Variants in PCDHA1 observed in about 807,000 individuals in gnomAD.
The protein encoded by PCDHA1 is protocadherin alpha-1.
A neutral mutation model predicts 61.3 loss-of-function variants in PCDHA1; 42 were observed. The ratio of observed to expected loss-of-function variants is 0.69; its 90% CI spans 0.54 to 0.89. PCDHA1 has a LOEUF of 0.89. Among genes scored for constraint, PCDHA1 ranks in the 40% least tolerant of loss-of-function variants. PCDHA1 has a pLI of 0.00. For synonymous variants in PCDHA1, 610 were observed against 553.8 expected (o/e 1.10, Z -1.43); for missense variants, 1,256 against 1,235.3 (o/e 1.02, Z -0.25).
At chr5:140,848,429 G>T (rs1781516011) in intron 1 of PCDHA1, 1 of 1,456,608 alleles carries the variant, frequency 6.9e-7, no homozygotes, top group Admixed American at 1.9e-5. Flanking sequence ...TGGGACTGAC[G>T]AAATCAGATG....
chr5:141,005,701 CAAAAAAAAAAA>C (rs59860837), intron 3 of PCDHA1, among the ~76,000 whole-genome samples: 24 of 7,788 alleles, frequency 3.1e-3, no homozygotes, highest in African/African-American at 7.5e-3. Flanking sequence ...AACTCCGTCT[CAAAAAAAAAAA>C]AAAAAAAAAA....
At chr5:140,905,802 C>T (rs1043410620) in intron 1 of PCDHA1, among the ~76,000 whole-genome samples, 11 of 152,152 alleles carry the variant, frequency 7.2e-5, no homozygotes, top group African/African-American at 2.7e-4. Flanking sequence ...TCTAGAGGGA[C>T]AGAATTAATA....
intron 1 of PCDHA1, chr5:140,795,710 T>C (rs782461058): frequency 1.2e-6 from 2 of 1,614,040 alleles, no homozygotes; most frequent in South Asian, 2.2e-5. Flanking sequence ...GTTTACAAAG[T>C]AAAATTGTTA....
chr5:140,802,208 A>T, intron 1 of PCDHA1: 1 of 1,614,170 alleles, frequency 6.2e-7, no homozygotes, highest in Non-Finnish European at 8.5e-7. Flanking sequence ...GCACAGTTCT[A>T]CTCGAAATTG....
In PCDHA1 at chr5:140,869,747, C is replaced by G. The variant is rs1554163400; in HGVS notation, c.2394+81063C>G. 1.2e-6 allele frequency: 2 copies of G among 1,613,158 alleles called. No individual in the cohort carries two copies. Reference sequence around the variant, plus strand: ...GAACTTAATTTGCTGCTAACAGCTACAGACGGGGGAAAACCAGAGCTTACT... The same window carrying G: ...GAACTTAATTTGCTGCTAACAGCTAGAGACGGGGGAAAACCAGAGCTTACT... On this transcript the variant is annotated intron_variant, in intron 1 of 3. Coordinates refer to ENST00000504120, the MANE Select transcript of PCDHA1 (RefSeq NM_018900.4).
At chr5:140,944,746 A>G (rs1009788923) in intron 1 of PCDHA1, among the ~76,000 whole-genome samples, 6 of 152,214 alleles carry the variant, frequency 3.9e-5, no homozygotes, top group African/African-American at 1.4e-4. Context: ...GAGCATTTAC[A>G]TGGAAAAAAT....
intron 1 of PCDHA1, among the ~76,000 whole-genome samples, chr5:140,923,505 G>C (rs1281972725): frequency 6.6e-6 from 1 of 152,118 alleles, no homozygotes; most frequent in East Asian, 1.9e-4. Context: ...CTCCAGCCTG[G>C]ATGATGAAGT....
chr5:140,996,944 ATATT>A (rs2097754010), intron 3 of PCDHA1, among the ~76,000 whole-genome samples: 1 of 152,144 alleles, frequency 6.6e-6, no homozygotes, highest in Non-Finnish European at 1.5e-5. Flanking sequence ...TTGCATAGAA[ATATT>A]TATTTCCCTC....
At chr5:140,813,290 C>T (rs1028999226) in intron 1 of PCDHA1, 2 of 152,150 alleles carry the variant, frequency 1.3e-5, no homozygotes, top group South Asian at 4.1e-4. Flanking sequence ...TTGTATCATT[C>T]TGAGATTTCA....
intron 1 of PCDHA1, chr5:140,848,965 C>G: frequency 6.2e-7 from 1 of 1,606,280 alleles, no homozygotes; most frequent in Non-Finnish European, 8.5e-7. Context: ...CTAGAGGGCG[C>G]GTCCGATGCA....
At chr5:140,835,694 C>T (rs1554135195) in intron 1 of PCDHA1, 1 of 1,613,768 alleles carries the variant, frequency 6.2e-7, no homozygotes, top group African/African-American at 1.3e-5. Flanking sequence ...CTCTGTGGGC[C>T]ACTGCTAGCG....
intron 1 of PCDHA1, chr5:140,811,526 T>G (rs1357624098): frequency 6.6e-6 from 1 of 152,152 alleles, no homozygotes; most frequent in South Asian, 2.1e-4. Context: ...ATATACCCAG[T>G]AATGGGTCAA....
Position 140,787,187 on chromosome 5 carries a change from A to T in PCDHA1, c.897A>T (p.Ser299=). 6.2e-7 allele frequency: 1 copy of T among 1,613,978 alleles called. No homozygotes were observed. The highest frequency in any genetic ancestry group is 1.7e-4 in the Middle Eastern group (1 of 6,060). ...IQEKFKVDSS[S]GEIRLIDKLD... ...AAAAATTCAAAGTTGATTCCAGCTC[A>T]GGAGAAATTAGGTTAATTGATAAAC... The change falls in exon 1 of 4, where the codon TCA becomes TCT. Residue 299 remains serine (S), a synonymous_variant. Transcript: ENST00000504120.
intron 1 of PCDHA1, chr5:140,829,396 G>A (rs2150167101): frequency 6.2e-7 from 1 of 1,614,172 alleles, no homozygotes. Context: ...CGCCTTCGCT[G>A]TGGGCCACCG....
At chr5:140,869,857 A>T in intron 1 of PCDHA1, 1 of 1,610,928 alleles carries the variant, frequency 6.2e-7, no homozygotes, top group Non-Finnish European at 8.5e-7. Flanking sequence ...GGTGAGCCTT[A>T]TGGAAAATGC....
chr5:140,952,822 G>A (rs1364476088), intron 1 of PCDHA1, among the ~76,000 whole-genome samples: 3 of 152,184 alleles, frequency 2.0e-5, no homozygotes, highest in Non-Finnish European at 4.4e-5. Context: ...TGTACAGGAA[G>A]CATGATGCTG....
intron 1 of PCDHA1, among the ~76,000 whole-genome samples, chr5:140,921,828 A>C (rs1209455799): frequency 6.6e-6 from 1 of 152,126 alleles, no homozygotes; most frequent in Non-Finnish European, 1.5e-5. Flanking sequence ...ATATCTATAC[A>C]CATATAGACA....
chr5:140,917,331 G>T (rs1256665914), intron 1 of PCDHA1, among the ~76,000 whole-genome samples: 12 of 137,574 alleles, frequency 8.7e-5, no homozygotes, highest in African/African-American at 3.0e-4. Context: ...TGGCGGGGGA[G>T]GGGGGGGATG....
chr5:140,876,723 C>A (rs782820769), intron 1 of PCDHA1: 15 of 1,614,132 alleles, frequency 9.3e-6, no homozygotes, highest in East Asian at 2.2e-5. Context: ...ACCGCGAGAG[C>A]GTGTCGGCCT....
Sources: allele counts gnomAD v4.1 joint callset (sites outside exome capture counted in the v4.1 genomes callset), GRCh38; gene constraint gnomAD v4.1.1; transcripts MANE v1.5; gene names NCBI Gene and HGNC (gene_info 2026-07-23, HGNC 2026-07-21).